The following ILDR1 variants were observed in gnomAD, a reference collection of about 807,000 sequenced individuals.
The protein encoded by ILDR1 is immunoglobulin like domain containing receptor 1.
In ILDR1, 56 loss-of-function variants were observed where a neutral mutation model predicts 62.4. That is an observed-to-expected ratio of 0.90 (90% CI 0.72 to 1.12). The LOEUF (loss-of-function observed/expected upper bound fraction) is 1.12, where lower values mean the gene tolerates loss of function less well. ILDR1 is among the 50% of genes most tolerant of loss of function. The pLI, the probability that ILDR1 is intolerant of heterozygous loss-of-function variation, is 0.00. For synonymous variants in ILDR1, 284 were observed against 277.8 expected (o/e 1.02, Z -0.22); for missense variants, 736 against 710.6 (o/e 1.04, Z -0.41).
At chr3:121,998,327 C>T (rs1042028525) in intron 5 of ILDR1, among the ~76,000 whole-genome samples, 3 of 152,174 alleles carry the variant, frequency 2.0e-5, no homozygotes, top group Non-Finnish European at 4.4e-5. Context: ...TTACCTTATT[C>T]TACAAACACC....
chr3:122,006,978 T>C lies in ILDR1; in HGVS notation c.229+13A>G, dbSNP rs1336024863. 1.2e-6 allele frequency: 2 copies of C among 1,609,214 alleles called. No homozygotes were observed. Among genetic ancestry groups the C allele is most frequent in the Non-Finnish European group, 1.7e-6 (2 of 1,178,614 alleles). On this transcript the variant is annotated intron_variant, in intron 2 of 7. Transcript: ENST00000344209. ...TGGGACCCACAGAGGGCCAAGGGGG[T>C]AAGGATACTCACACGCTGAGTAGTA... is the stretch of plus-strand genomic sequence containing the variant.
At chr3:122,011,793 G>A (rs759920678) in intron 1 of ILDR1, among the ~76,000 whole-genome samples, 11 of 151,840 alleles carry the variant, frequency 7.2e-5, no homozygotes, top group Admixed American at 4.6e-4. Context: ...ATTATGCACC[G>A]GGTGATGTAC....
chr3:122,050,685 T>G, the ILDR1 span, among the ~76,000 whole-genome samples: 1 of 152,078 alleles, frequency 6.6e-6, no homozygotes, highest in Non-Finnish European at 1.5e-5. Context: ...TACACAATAC[T>G]GTTACACTAT....
At chr3:122,038,233 G>T in the ILDR1 span, among the ~76,000 whole-genome samples, 1 of 152,184 alleles carries the variant, frequency 6.6e-6, no homozygotes, top group Non-Finnish European at 1.5e-5. Context: ...AATAAGAACA[G>T]AATATAGCTC....
chr3:122,029,472 A>C, the ILDR1 span, among the ~76,000 whole-genome samples: 54 of 149,850 alleles, frequency 3.6e-4, no homozygotes, highest in Middle Eastern at 6.9e-3. Flanking sequence ...CAGCCACTGC[A>C]CTCCAGCCTG....
intron 1 of ILDR1, among the ~76,000 whole-genome samples, chr3:122,011,615 G>A (rs149619224): frequency 6.7e-6 from 1 of 148,372 alleles, no homozygotes; most frequent in Non-Finnish European, 1.5e-5. Flanking sequence ...ACAGCATCCT[G>A]TGCAGACCTC....
upstream of ILDR1, chr3:122,025,123 T>C (rs1303339618): frequency 1.3e-5 from 2 of 152,214 alleles, no homozygotes; most frequent in African/African-American, 4.8e-5. Flanking sequence ...GACTTCCTCC[T>C]ATACAAAGTT....
Position 122,022,235 on chromosome 3 carries a change from G to T in ILDR1, c.-158C>A. 1.6e-6 allele frequency: 1 copy of T among 611,086 alleles called. No individual in the cohort carries two copies. The highest frequency in any genetic ancestry group is 2.7e-6 in the Non-Finnish European group (1 of 365,988). 37.9% of individuals were successfully genotyped at this position (611,086 alleles called of 1,614,324 possible). Reference sequence around the variant, plus strand: ...AGGGAGCGTCCGCTCTGGTCCCGGGGCAGGTGCCGCCCGGCTCGTCCCCAC... The same window carrying T: ...AGGGAGCGTCCGCTCTGGTCCCGGGTCAGGTGCCGCCCGGCTCGTCCCCAC... On this transcript the variant is annotated 5_prime_UTR_variant, in exon 1 of 8. Coordinates refer to ENST00000344209, the MANE Select transcript of ILDR1 (RefSeq NM_001199799.2).
chr3:122,001,809 G>A lies in ILDR1; in HGVS notation c.435C>T (p.Cys145=). ...ATGTGTCCCCTGGAGCCTCAATGGTGCAGTAATACACTCCATGGTCCCACC... is the reference window on the plus strand; with the variant it reads ...ATGTGTCCCCTGGAGCCTCAATGGTACAGTAATACACTCCATGGTCCCACC... ...VMWWDHGVYY[C]TIEAPGDTSG... is the part of the protein sequence containing the mutation. Residue 145 remains cysteine, a synonymous_variant, in exon 4 of 8, where the codon TGC becomes TGT. Coordinates refer to ENST00000344209, the MANE Select transcript of ILDR1 (RefSeq NM_001199799.2). The A allele has an allele frequency of 6.2e-7, 1 of 1,613,434 alleles. No individual in the cohort carries two copies. Among genetic ancestry groups the A allele is most frequent in the Non-Finnish European group, 8.5e-7 (1 of 1,179,888 alleles).
chr3:122,040,489 A>G, the ILDR1 span, among the ~76,000 whole-genome samples: 1 of 151,918 alleles, frequency 6.6e-6, no homozygotes, highest in African/African-American at 2.4e-5. Flanking sequence ...TAGAAAACTG[A>G]AGAAAAACAG....
the ILDR1 span, among the ~76,000 whole-genome samples, chr3:122,053,493 A>C: frequency 1.3e-5 from 2 of 152,108 alleles, no homozygotes; most frequent in African/African-American, 4.8e-5. Context: ...TAATATAAAA[A>C]TACTAAAAGC....
chr3:122,018,693 C>T (rs1335794276), intron 1 of ILDR1, among the ~76,000 whole-genome samples: 1 of 152,134 alleles, frequency 6.6e-6, no homozygotes, highest in Non-Finnish European at 1.5e-5. Context: ...ATTTCCTTAT[C>T]TGTAAAACTG....
At chr3:122,011,565 G>A (rs73855492) in intron 1 of ILDR1, among the ~76,000 whole-genome samples, 43,248 of 151,166 alleles carry the variant, frequency 0.29, 6,491 homozygotes, top group African/African-American at 0.35. Context: ...GCCATCTTGA[G>A]CTCATTCACA....
chr3:122,032,785 C>T, the ILDR1 span, among the ~76,000 whole-genome samples: 1 of 152,186 alleles, frequency 6.6e-6, no homozygotes, highest in Admixed American at 6.5e-5. Context: ...GAAAGGATGG[C>T]TCACTCCCAT....
chr3:122,001,667 GTTT>G (rs35657414), intron 4 of ILDR1, 75 bp downstream of exon 4: 341 of 1,411,032 alleles, frequency 2.4e-4, no homozygotes, highest in Non-Finnish European at 2.7e-4. Flanking sequence ...CTTATTTCTG[GTTT>G]TTTTTTTTTT....
chr3:122,055,614 G>T, the ILDR1 span: 2 of 973,098 alleles, frequency 2.1e-6, no homozygotes, highest in Non-Finnish European at 3.2e-6. Flanking sequence ...TTCCTAAGTG[G>T]AGAAGCTTTC....
At chr3:122,057,317 G>T in the ILDR1 span, among the ~76,000 whole-genome samples, 1 of 152,028 alleles carries the variant, frequency 6.6e-6, no homozygotes, top group Non-Finnish European at 1.5e-5. Context: ...TCTTGCTATT[G>T]TTTCTAATAA....
chr3:121,988,788 T>C (rs1336029639), intron 7 of ILDR1, among the ~76,000 whole-genome samples: 1 of 152,254 alleles, frequency 6.6e-6, no homozygotes, highest in Non-Finnish European at 1.5e-5. Flanking sequence ...CTCAGTTCTC[T>C]TTTTCCTTTT....
At position 121,990,725 on chromosome 3, in the gene ILDR1, C is replaced by T. The variant is rs183385916; in HGVS notation, c.1600-2317G>A. ...CTATACTCCTGAGTAGCTGGGACTA[C>T]GGGTACATGCCACTGCACTTGACTA... On this transcript the variant is annotated intron_variant, in intron 7 of 7. Transcript: ENST00000344209. 1.6e-4 allele frequency among the ~76,000 whole-genome samples: 24 copies of T among 152,172 alleles called. No individual in the cohort carries two copies. In the East Asian group the frequency reaches 1.7e-3, roughly 11 times the overall value.
Sources: allele counts gnomAD v4.1 joint callset (sites outside exome capture counted in the v4.1 genomes callset), GRCh38; gene constraint gnomAD v4.1.1; transcripts MANE v1.5; gene names NCBI Gene and HGNC (gene_info 2026-07-23, HGNC 2026-07-21).